Variants in FAF1 observed in about 807,000 individuals in gnomAD.
The protein encoded by FAF1 is FAS-associated factor 1.
A neutral mutation model predicts 92.5 loss-of-function variants in FAF1; 25 were observed. The observed-to-expected ratio is 0.27, with a 90% CI of 0.20 to 0.38. FAF1 has a LOEUF of 0.38. Among genes scored for constraint, FAF1 ranks in the 10% least tolerant of loss-of-function variants. The probability of loss-of-function intolerance (pLI) is 1.00; values close to 1 mark genes in which losing one functional copy is unlikely to be tolerated. For missense variants in FAF1, 636 were observed against 793.3 expected, an observed-to-expected ratio of 0.80 and a Z score of 2.38; for synonymous variants, 234 against 273.2, an observed-to-expected ratio of 0.86 and a Z score of 1.42.
At chr1:50,863,262 A>G (rs1256851288) in intron 1 of FAF1, among the ~76,000 whole-genome samples, 1 of 152,014 alleles carries the variant, frequency 6.6e-6, no homozygotes, top group Admixed American at 6.6e-5. Flanking sequence ...CTCCTGAATG[A>G]TCTTTGGGTC....
chr1:50,878,796 C>A (rs1644589883), intron 1 of FAF1, among the ~76,000 whole-genome samples: 1 of 152,160 alleles, frequency 6.6e-6, no homozygotes, highest in Admixed American at 6.5e-5. Context: ...CTCACCAACC[C>A]TATGAAGTAG....
intron 2 of FAF1, among the ~76,000 whole-genome samples, chr1:50,834,854 G>T (rs1440031585): frequency 6.6e-6 from 1 of 152,156 alleles, no homozygotes; most frequent in Non-Finnish European, 1.5e-5. Context: ...TAGTTATAAT[G>T]TAGTTCTATA....
intron 13 of FAF1, among the ~76,000 whole-genome samples, chr1:50,544,095 A>C (rs546340010): frequency 4.3e-4 from 66 of 152,234 alleles, no homozygotes; most frequent in African/African-American, 1.3e-3. Context: ...TGGTGGGTCC[A>C]TGACCCAGGC....
Position 50,853,206 on chromosome 1 carries a change from A to G in FAF1, c.114+4723T>C, listed in dbSNP as rs931158866. 1.8e-4 allele frequency among the ~76,000 whole-genome samples: 27 copies of G among 152,308 alleles called. No homozygotes were observed. The East Asian group carries it at 5.2e-3, about 29-fold the overall frequency. ...TCTACAGCCACATCCTGAGCAGAGT[A>G]GTGGAACTGCTACATGAAATTTTAG... On this transcript the variant is annotated intron_variant, in intron 2 of 18. Transcript: ENST00000396153.
intron 1 of FAF1, among the ~76,000 whole-genome samples, chr1:50,884,967 T>C (rs1644646499): frequency 6.6e-6 from 1 of 152,192 alleles, no homozygotes; most frequent in Non-Finnish European, 1.5e-5. Context: ...TATTGGTCTC[T>C]TCAGGTTTTA....
chr1:50,892,574 G>A (rs1390486359), intron 1 of FAF1, among the ~76,000 whole-genome samples: 2 of 152,184 alleles, frequency 1.3e-5, no homozygotes, highest in Non-Finnish European at 2.9e-5. Context: ...ACATGCTGGA[G>A]CTCCATTGTA....
At chr1:50,753,380 C>T (rs758066681) in intron 4 of FAF1, among the ~76,000 whole-genome samples, 7 of 152,210 alleles carry the variant, frequency 4.6e-5, no homozygotes, top group African/African-American at 1.4e-4. Context: ...TATGCATATA[C>T]AACAATTTGG....
At chr1:50,483,354 C>T (rs1030326056) in intron 17 of FAF1, among the ~76,000 whole-genome samples, 2 of 152,026 alleles carry the variant, frequency 1.3e-5, no homozygotes, top group East Asian at 1.9e-4. Flanking sequence ...ATTCATGGGT[C>T]CATTTTTTTT....
intron 4 of FAF1, among the ~76,000 whole-genome samples, chr1:50,764,254 T>C (rs988199196): frequency 6.6e-6 from 1 of 152,190 alleles, no homozygotes; most frequent in Admixed American, 6.5e-5. Context: ...GGGGTCTCAG[T>C]ACTAACTGTA....
At chr1:50,646,641 C>T (rs1654600125) in intron 8 of FAF1, among the ~76,000 whole-genome samples, 1 of 152,148 alleles carries the variant, frequency 6.6e-6, no homozygotes, top group Non-Finnish European at 1.5e-5. Flanking sequence ...TTCACTACCA[C>T]TAACTGTTAG....
chr1:50,536,993 T>C (rs1488564205), intron 14 of FAF1, among the ~76,000 whole-genome samples: 2 of 151,510 alleles, frequency 1.3e-5, no homozygotes, highest in African/African-American at 4.9e-5. Flanking sequence ...TTTTATTCTT[T>C]TGAGACAGGG....
At chr1:50,732,361 C>T (rs1658963808) in intron 6 of FAF1, among the ~76,000 whole-genome samples, 3 of 152,134 alleles carry the variant, frequency 2.0e-5, no homozygotes, top group Non-Finnish European at 4.4e-5. Flanking sequence ...AGGCATGAGC[C>T]ACCACACCTG....
chr1:50,628,188 C>A (rs1355930931), intron 8 of FAF1, among the ~76,000 whole-genome samples: 2 of 151,938 alleles, frequency 1.3e-5, no homozygotes, highest in South Asian at 2.1e-4. Flanking sequence ...ATTTCTAGTA[C>A]AATGAGATCA....
intron 13 of FAF1, among the ~76,000 whole-genome samples, chr1:50,546,513 G>A (rs530251399): frequency 1.9e-4 from 29 of 152,088 alleles, no homozygotes; most frequent in African/African-American, 6.3e-4. Context: ...TTACAGGCAC[G>A]CGCCACCACA....
At chr1:50,921,581 G>A (rs1385526526) in intron 1 of FAF1, among the ~76,000 whole-genome samples, 2 of 152,006 alleles carry the variant, frequency 1.3e-5, no homozygotes, top group Non-Finnish European at 2.9e-5. Flanking sequence ...GGGTAACATG[G>A]TGAAATCCTG....
chr1:50,556,037 A>G (rs1326715310), intron 13 of FAF1, among the ~76,000 whole-genome samples: 2 of 151,644 alleles, frequency 1.3e-5, no homozygotes, highest in African/African-American at 4.8e-5. Flanking sequence ...CAGCTATAAA[A>G]AAGAATAAGG....
chr1:50,621,223 G>A (rs1001302666), intron 8 of FAF1, among the ~76,000 whole-genome samples: 1 of 152,064 alleles, frequency 6.6e-6, no homozygotes, highest in African/African-American at 2.4e-5. Flanking sequence ...GAGTCACTGG[G>A]AAAATACTCA....
chr1:50,669,667 G>C (rs1039410011), intron 7 of FAF1, among the ~76,000 whole-genome samples: 7 of 152,180 alleles, frequency 4.6e-5, no homozygotes, highest in Admixed American at 2.0e-4. Context: ...TGACAATGTA[G>C]CAAAATAAAG....
chr1:50,729,058 A>ATATTTT lies in FAF1; in HGVS notation c.551+9804_551+9805insAAAATA, dbSNP rs1375923156. Among the ~76,000 whole-genome samples the ATATTTT allele has an allele frequency of 3.1e-3, 220 of 70,096 alleles. 2 individuals are homozygous for ATATTTT. The highest frequency in any genetic ancestry group is 3.4e-3 in the South Asian group (6 of 1,782). 46.0% of individuals were successfully genotyped at this position (70,096 alleles called of 152,430 possible). ...TCTATATATATATATATATATATAT[A>ATATTTT]TTTTTTTTTTTTTTGAGGCAGAGTT... On this transcript the variant is annotated intron_variant, in intron 6 of 18. Coordinates refer to ENST00000396153, the MANE Select transcript of FAF1 (RefSeq NM_007051.3).
Sources: gnomAD v4.1 joint callset for allele counts (sites outside exome capture counted in the v4.1 genomes callset) on GRCh38, gnomAD v4.1.1 for gene constraint, MANE v1.5 for transcripts, NCBI Gene and HGNC (gene_info 2026-07-23, HGNC 2026-07-21) for gene names.